PTPRE: variants seen among roughly 807,000 people sequenced by gnomAD.
PTPRE encodes the protein protein tyrosine phosphatase receptor type E, also known as receptor-type tyrosine-protein phosphatase epsilon.
A neutral mutation model predicts 102.0 loss-of-function variants in PTPRE; 51 were observed. The observed-to-expected ratio is 0.50, with a 90% CI of 0.40 to 0.63. PTPRE has a LOEUF of 0.63. Ranked by LOEUF, PTPRE falls within the 30% of genes least tolerant of loss-of-function variation. The probability of loss-of-function intolerance (pLI) is 0.00; values close to 1 mark genes in which losing one functional copy is unlikely to be tolerated. For synonymous variants in PTPRE, 345 were observed against 348.2 expected (o/e 0.99, Z 0.10); for missense variants, 752 against 915.1 (o/e 0.82, Z 2.30).
chr10:128,016,283 G>C (rs1290571784), intron 2 of PTPRE, among the ~76,000 whole-genome samples: 5 of 152,122 alleles, frequency 3.3e-5, no homozygotes, highest in Admixed American at 6.5e-5. Context: ...GTCAAACCCA[G>C]TAATACAGGT....
intron 1 of PTPRE, among the ~76,000 whole-genome samples, chr10:127,918,437 T>C (rs927282425): frequency 1.3e-5 from 2 of 151,502 alleles, no homozygotes; most frequent in African/African-American, 4.9e-5. Context: ...TGGGCGCCTG[T>C]AGTCCCAGCT....
chr10:128,070,341 A>G lies in PTPRE; in HGVS notation c.1184A>G (p.Tyr395Cys), dbSNP rs1165786570. 23 of 1,613,966 alleles carry G rather than the reference A, an allele frequency of 1.4e-5. No homozygotes were observed. The South Asian group carries it at 1.9e-4, about 13-fold the overall frequency. Residue 395 changes from tyrosine (Y) to cysteine (C), a missense_variant, in exon 14 of 21, where the codon TAC (tyrosine) becomes TGC (cysteine). Tyr to Cys is a radical substitution (Grantham distance 194). This residue lies in a region of PTPRE where 636 missense variants were observed against 824.4 expected (regional missense o/e 0.77). Transcript: ENST00000254667. The surrounding 1 kb of genome is among the most constrained non-coding windows in gnomAD (Gnocchi z 4.8). ...TFIYQALLEY[Y>C]LYGDTELDVS... ...ATCTACCAAGCCTTACTCGAGTACT[A>G]CCTCTACGGGGACACAGAGCTGGAC...
At position 127,931,190 on chromosome 10, in the gene PTPRE, G is replaced by C. The variant is rs574687692; in HGVS notation, c.-31+23881G>C. Among the ~76,000 whole-genome samples the C allele has an allele frequency of 5.3e-5, 8 of 152,218 alleles. No homozygotes were observed. In the South Asian group the frequency reaches 1.7e-3, roughly 32 times the overall value. On this transcript the variant is annotated intron_variant, in intron 1 of 20. Transcript: ENST00000254667. ...TTGCATTTCCCTAGTGACTCACAGTGTCCAGTATCTTTTCAGGCCCTTATT... is the reference window on the plus strand; with the variant it reads ...TTGCATTTCCCTAGTGACTCACAGTCTCCAGTATCTTTTCAGGCCCTTATT...
At chr10:128,031,455 A>T (rs901979577) in intron 2 of PTPRE, among the ~76,000 whole-genome samples, 2 of 152,108 alleles carry the variant, frequency 1.3e-5, no homozygotes, top group Non-Finnish European at 2.9e-5. Context: ...TCACACCATT[A>T]CTGCCGAGCC....
At chr10:128,060,911 C>A (rs1416710279) in intron 7 of PTPRE, 28 bp from the exon 8 acceptor site, 2 of 1,602,772 alleles carry the variant, frequency 1.2e-6, no homozygotes, top group Admixed American at 3.3e-5. Flanking sequence ...GTCCTAATAT[C>A]TTGGCTTTGT....
chr10:127,915,995 GA>G (rs553726682), intron 1 of PTPRE, among the ~76,000 whole-genome samples: 5,477 of 134,504 alleles, frequency 0.041, 115 homozygotes, highest in African/African-American at 0.084. Context: ...GAGTTACAGG[GA>G]AAAAAAAAAA....
At chr10:128,005,673 G>C (rs1215716140) in intron 2 of PTPRE, among the ~76,000 whole-genome samples, 1 of 152,226 alleles carries the variant, frequency 6.6e-6, no homozygotes, top group Non-Finnish European at 1.5e-5. Context: ...GGATGCCCAA[G>C]GACCCTCAGT....
At chr10:128,057,519 A>G (rs535406128) in intron 7 of PTPRE, among the ~76,000 whole-genome samples, 1 of 152,308 alleles carries the variant, frequency 6.6e-6, no homozygotes, top group African/African-American at 2.4e-5. Flanking sequence ...TCTGTATGTC[A>G]GAGCAGCTAT....
chr10:128,066,430 G>A (rs1316336072), intron 11 of PTPRE, among the ~76,000 whole-genome samples: 1 of 152,228 alleles, frequency 6.6e-6, no homozygotes, highest in African/African-American at 2.4e-5. Context: ...AATTCCTAGT[G>A]ACTCCTCTGG....
At chr10:128,074,101 A>T (rs1851019999) in intron 17 of PTPRE, among the ~76,000 whole-genome samples, 1 of 152,134 alleles carries the variant, frequency 6.6e-6, no homozygotes, top group African/African-American at 2.4e-5. Flanking sequence ...TCCTTCCCCT[A>T]ACCCCTGGCA....
chr10:127,987,377 C>A (rs1852181276), intron 2 of PTPRE: 2 of 1,280,752 alleles, frequency 1.6e-6, no homozygotes, highest in Non-Finnish European at 2.0e-6. Flanking sequence ...TTCCCAGCGT[C>A]TTCCCAGGAA....
At chr10:128,050,330 CGGATGGATGGATGGATGGATGGAT>C (rs562305572) in intron 6 of PTPRE, among the ~76,000 whole-genome samples, 1 of 94,574 alleles carries the variant, frequency 1.1e-5, no homozygotes, top group Non-Finnish European at 2.2e-5. Flanking sequence ...AGTGGGAGGG[CGGATGGATGGATGGATGGATGGAT>C]GGATGGATGG....
chr10:127,936,836 A>G (rs930230025), intron 1 of PTPRE, among the ~76,000 whole-genome samples: 1 of 152,184 alleles, frequency 6.6e-6, no homozygotes, highest in Non-Finnish European at 1.5e-5. Context: ...ATTTAGTACC[A>G]TCGTCCCCTG....
chr10:127,973,805 G>A (rs1246852365), intron 1 of PTPRE, among the ~76,000 whole-genome samples: 1 of 152,082 alleles, frequency 6.6e-6, no homozygotes, highest in Non-Finnish European at 1.5e-5. Context: ...CGATGGCAAC[G>A]CTTCACCCAG....
At chr10:127,935,360 G>A (rs1274278235) in intron 1 of PTPRE, among the ~76,000 whole-genome samples, 1 of 152,170 alleles carries the variant, frequency 6.6e-6, no homozygotes, top group East Asian at 1.9e-4. Context: ...TGGTGGGCGT[G>A]TGAGATCATT....
intron 2 of PTPRE, among the ~76,000 whole-genome samples, chr10:128,019,393 G>A (rs561183114): frequency 1.8e-4 from 27 of 152,320 alleles, no homozygotes; most frequent in African/African-American, 5.8e-4. Context: ...CTGTTTTTGC[G>A]GGGTCACTGC....
chr10:128,039,664 C>T (rs544554214), intron 2 of PTPRE, among the ~76,000 whole-genome samples: 22 of 151,646 alleles, frequency 1.5e-4, no homozygotes, highest in African/African-American at 4.8e-4. Context: ...TGTGAGCAGC[C>T]GGGGAATGGA....
In PTPRE at chr10:128,028,331, C is replaced by T. The variant is rs1416665507; in HGVS notation, c.-7-12544C>T. The stretch of plus-strand genomic sequence containing the variant: ...TCACTCCTGGCAGGCAGAAGGGACT[C>T]GGGTCACACACAGCCACACTCGGGG... On this transcript the variant is annotated intron_variant, in intron 2 of 20. Transcript: ENST00000254667. This position sits in a 1 kb window ranked among gnomAD's most constrained non-coding sequence, Gnocchi z 4.5. Among the ~76,000 whole-genome samples the T allele has an allele frequency of 6.6e-6, 1 of 152,088 alleles. No homozygotes were observed. The highest frequency in any genetic ancestry group is 1.5e-5 in the Non-Finnish European group (1 of 68,002).
chr10:128,081,576 A>G (rs1164833642), intron 20 of PTPRE, among the ~76,000 whole-genome samples: 1 of 152,010 alleles, frequency 6.6e-6, no homozygotes, highest in Non-Finnish European at 1.5e-5. Context: ...ATATTCAGTC[A>G]ATGTTGCTTT....
Sources: allele counts gnomAD v4.1 joint callset (sites outside exome capture counted in the v4.1 genomes callset), GRCh38; gene constraint gnomAD v4.1.1; regional missense constraint gnomAD v4.1.1; non-coding constraint Gnocchi (gnomAD v3.1); transcripts MANE v1.5; gene names NCBI Gene and HGNC (gene_info 2026-07-23, HGNC 2026-07-21).